HOMER2: variants seen among roughly 807,000 people sequenced by gnomAD.
HOMER2 encodes the protein homer scaffold protein 2, also known as homer protein homolog 2.
A neutral mutation model predicts 47.0 loss-of-function variants in HOMER2; 27 were observed. That is an observed-to-expected ratio of 0.57 (90% CI 0.42 to 0.79). HOMER2 has a LOEUF of 0.79. Ranked by LOEUF, HOMER2 falls within the 30% of genes least tolerant of loss-of-function variation. The probability of loss-of-function intolerance (pLI) is 0.00; values close to 1 mark genes in which losing one functional copy is unlikely to be tolerated. For synonymous variants in HOMER2, 161 were observed against 163.8 expected (o/e 0.98, Z 0.13); for missense variants, 443 against 435.0 (o/e 1.02, Z -0.16).
At chr15:82,906,027 G>A (rs930916599) in intron 1 of HOMER2, among the ~76,000 whole-genome samples, 1 of 152,176 alleles carries the variant, frequency 6.6e-6, no homozygotes, top group South Asian at 2.1e-4. Flanking sequence ...GATGATATAA[G>A]CTATGGGATG....
intron 1 of HOMER2, among the ~76,000 whole-genome samples, chr15:82,968,351 A>T (rs1234081054): frequency 6.6e-6 from 1 of 152,146 alleles, no homozygotes; most frequent in Non-Finnish European, 1.5e-5. Context: ...GGCTACCACT[A>T]ATTTGCTTTC....
At position 82,856,613 on chromosome 15, in the gene HOMER2, T is replaced by A. The variant is rs79066649; in HGVS notation, c.495-1813A>T. Among the ~76,000 whole-genome samples the A allele has an allele frequency of 1.8e-3, 268 of 152,132 alleles. 4 individuals are homozygous for A. The East Asian group carries it at 0.044, about 25-fold the overall frequency. ...CAGCTGGGATCACAGAGACTCTGCC[T>A]CAAAAAACAAATAAATAAATAAATA... On this transcript the variant is annotated intron_variant, in intron 5 of 8. Coordinates refer to ENST00000450735, the MANE Select transcript of HOMER2 (RefSeq NM_004839.4).
chr15:82,907,070 C>G (rs2053307460), intron 1 of HOMER2, among the ~76,000 whole-genome samples: 1 of 152,178 alleles, frequency 6.6e-6, no homozygotes. Flanking sequence ...TGGACAGATC[C>G]GAGGCTGGGT....
Position 82,892,790 on chromosome 15 carries a change from G to A in HOMER2, c.57C>T (p.Asn19=), listed in dbSNP as rs773108301. 6.2e-6 allele frequency: 10 copies of A among 1,606,330 alleles called. No homozygotes were observed. The highest frequency in any genetic ancestry group is 8.5e-6 in the Non-Finnish European group (10 of 1,174,638). The part of the protein sequence containing the change: ...TRAHVFQIDP[N]TKKNWMPASK... ...TCGCAGGCATCCAGTTCTTCTTGGT[G>A]TTGGGGTCAATCTGGAAGACATGCG... The change falls in exon 2 of 9, where the codon AAC becomes AAT. Residue 19 remains asparagine, a synonymous_variant. Transcript: ENST00000450735.
Position 82,913,030 on chromosome 15 carries a change from A to G in HOMER2, c.6-20189T>C. Reference sequence around the variant, plus strand: ...CTCTTAGAAATACTGAAAACACAGAAAACTGGGGTGTAGAGAGACAAGAGG... The same window carrying G: ...CTCTTAGAAATACTGAAAACACAGAGAACTGGGGTGTAGAGAGACAAGAGG... On this transcript the variant is annotated intron_variant, in intron 1 of 8. Transcript: ENST00000450735. The surrounding 1 kb of genome is among the most constrained non-coding windows in gnomAD (Gnocchi z 4.1). Among the ~76,000 whole-genome samples the G allele has an allele frequency of 6.6e-6, 1 of 152,246 alleles. No individual in the cohort carries two copies. Among genetic ancestry groups the G allele is most frequent in the East Asian group, 1.9e-4 (1 of 5,204 alleles).
chr15:82,919,863 G>T (rs961229884), intron 1 of HOMER2, among the ~76,000 whole-genome samples: 1 of 152,132 alleles, frequency 6.6e-6, no homozygotes, highest in African/African-American at 2.4e-5. Context: ...AAAAGCAGGC[G>T]GTATCTTTCG....
intron 4 of HOMER2, among the ~76,000 whole-genome samples, chr15:82,860,109 G>A (rs535070374): frequency 1.7e-4 from 26 of 152,190 alleles, no homozygotes; most frequent in Admixed American, 3.9e-4. Context: ...TTAGTCAGGC[G>A]TGGTGGCATG....
chr15:82,864,161 T>A lies in HOMER2; in HGVS notation c.387+6A>T, dbSNP rs78459107. On this transcript the variant is annotated splice_donor_region_variant and intron_variant, in intron 4 of 8. Coordinates refer to ENST00000450735, the MANE Select transcript of HOMER2 (RefSeq NM_004839.4). ...CTGGGATTTACTTCATAGACTAATG[T>A]CTTACTTGGGAATGATTACTTGAGG... The A allele has an allele frequency of 0.015, 23,749 of 1,590,908 alleles. 183 individuals are homozygous for A. The highest frequency in any genetic ancestry group is 0.018 in the Non-Finnish European group (20,503 of 1,161,198).
intron 2 of HOMER2, among the ~76,000 whole-genome samples, chr15:82,882,813 T>A (rs2052566638): frequency 6.6e-6 from 1 of 151,524 alleles, no homozygotes. Context: ...GCCCACAGTT[T>A]ACACAGAAGC....
intron 1 of HOMER2, among the ~76,000 whole-genome samples, chr15:82,973,313 T>C (rs2030076084): frequency 6.6e-6 from 1 of 152,150 alleles, no homozygotes; most frequent in Non-Finnish European, 1.5e-5. Flanking sequence ...GCACAGGCTT[T>C]GAAAAAAGAA....
intron 1 of HOMER2, among the ~76,000 whole-genome samples, chr15:82,982,202 T>A (rs1442333373): frequency 6.6e-6 from 1 of 152,196 alleles, no homozygotes; most frequent in Non-Finnish European, 1.5e-5. Context: ...AAAGATTAAA[T>A]TATGGCCCAT....
chr15:82,851,107 CCTT>C (rs758256964), intron 8 of HOMER2, 41 bp downstream of exon 8: 2 of 1,241,076 alleles, frequency 1.6e-6, no homozygotes, highest in Admixed American at 2.0e-5. Context: ...GACATTTGTG[CCTT>C]CTTGTCTGAG....
chr15:82,837,302 A>G (rs561044981), exon 2 of HOMER2: 1 of 152,272 alleles, frequency 6.6e-6, no homozygotes. Flanking sequence ...CAACTATGGT[A>G]ACATAGCCAC....
At chr15:82,866,504 A>G (rs1368346160) in intron 3 of HOMER2, among the ~76,000 whole-genome samples, 1 of 152,182 alleles carries the variant, frequency 6.6e-6, no homozygotes, top group African/African-American at 2.4e-5. Context: ...TTGGGAAGGC[A>G]TGACTGGTTT....
rs536851934 is a variant in HOMER2, at chr15:82,923,688, A to G, written c.5+28843T>C. ...AACCGCTAGATAATGTTCTCCTCCC[A>G]TGCACGCATGCAAGTGTGCACATAC... On this transcript the variant is annotated intron_variant, in intron 1 of 8. Transcript: ENST00000450735. Among the ~76,000 whole-genome samples, 174 of 152,248 alleles carry G rather than the reference A, an allele frequency of 1.1e-3. 1 individual carries two copies. Among genetic ancestry groups the G allele is most frequent in the African/African-American group, 4.0e-3 (168 of 41,548 alleles).
At chr15:82,936,357 A>C (rs1423272164) in intron 1 of HOMER2, among the ~76,000 whole-genome samples, 2 of 152,172 alleles carry the variant, frequency 1.3e-5, no homozygotes, top group Non-Finnish European at 2.9e-5. Flanking sequence ...TTGTGTTTTC[A>C]GGGGAGGGGC....
intron 1 of HOMER2, among the ~76,000 whole-genome samples, chr15:82,901,729 C>T (rs2053124103): frequency 6.6e-6 from 1 of 152,230 alleles, no homozygotes; most frequent in Non-Finnish European, 1.5e-5. Flanking sequence ...AACTCGGGGC[C>T]AGCATCTCCC....
At chr15:82,923,000 G>A (rs1001910480) in intron 1 of HOMER2, among the ~76,000 whole-genome samples, 7 of 152,060 alleles carry the variant, frequency 4.6e-5, no homozygotes, top group African/African-American at 1.7e-4. Flanking sequence ...TCCATCAGAG[G>A]CACGTGGCTC....
rs1220290194 is a variant in HOMER2 at position 82,851,236 on chromosome 15, A to G, written c.763-5T>C. The G allele has an allele frequency of 1.9e-6, 3 of 1,549,640 alleles. No homozygotes were observed. The highest frequency in any genetic ancestry group is 1.4e-5 in the African/African-American group (1 of 73,278). On this transcript the variant is annotated splice_region_variant and splice_polypyrimidine_tract_variant and intron_variant, in intron 7 of 8. Transcript: ENST00000450735. ...TTTTCGGAGATCTTTCAGCTCCTAC[A>G]TGAAAAAAATTTGAGATAGAACATG...
Sources: allele counts gnomAD v4.1 joint callset (sites outside exome capture counted in the v4.1 genomes callset), GRCh38; gene constraint gnomAD v4.1.1; non-coding constraint Gnocchi (gnomAD v3.1); transcripts MANE v1.5; gene names NCBI Gene and HGNC (gene_info 2026-07-23, HGNC 2026-07-21).